NBPF9: variants seen among roughly 807,000 people sequenced by gnomAD.
NBPF9 encodes the protein NBPF family member NBPF9.
Under a neutral mutation model 97.8 loss-of-function variants are expected in NBPF9, and 91 were observed. The ratio of observed to expected loss-of-function variants is 0.93; its 90% CI spans 0.79 to 1.11. The LOEUF (loss-of-function observed/expected upper bound fraction) is 1.11, where lower values mean the gene tolerates loss of function less well. Among genes scored for constraint, NBPF9 ranks in the 50% least tolerant of loss-of-function variants. The probability of loss-of-function intolerance (pLI) is 0.00; values close to 1 mark genes in which losing one functional copy is unlikely to be tolerated. For missense variants in NBPF9, 992 were observed against 939.5 expected, an observed-to-expected ratio of 1.06 and a Z score of -0.73; for synonymous variants, 334 against 359.5, an observed-to-expected ratio of 0.93 and a Z score of 0.80.
chr1:149,065,179 GGC>G (rs2078954721), intron 18 of NBPF9: 1 of 616,980 alleles, frequency 1.6e-6, no homozygotes, highest in African/African-American at 1.8e-5. Context: ...TTTTGTAGCT[GGC>G]AAGAGACATT....
chr1:149,062,508 G>C (rs1329555374), intron 21 of NBPF9, among the ~76,000 whole-genome samples: 1 of 144,516 alleles, frequency 6.9e-6, no homozygotes, highest in African/African-American at 2.6e-5. Flanking sequence ...AATTGGCCGG[G>C]TGACACACTG....
intron 3 of NBPF9, among the ~76,000 whole-genome samples, chr1:149,099,769 G>C (rs587623785): frequency 6.6e-6 from 1 of 151,884 alleles, no homozygotes; most frequent in Admixed American, 6.6e-5. Flanking sequence ...AGGATCATTT[G>C]AGCCCAGGAG....
chr1:149,082,957 C>CTTTTTTTTTTCTT (rs2080629176), intron 5 of NBPF9, among the ~76,000 whole-genome samples: 1 of 66,470 alleles, frequency 1.5e-5, no homozygotes, highest in Non-Finnish European at 2.6e-5. Context: ...TTTTTCTTTT[C>CTTTTTTTTTTCTT]TTTTTTTTTT....
intron 3 of NBPF9, among the ~76,000 whole-genome samples, chr1:149,099,160 G>A (rs1436276761): frequency 1.3e-5 from 2 of 152,224 alleles, no homozygotes; most frequent in African/African-American, 4.8e-5. Context: ...GATTCTTTCT[G>A]TTAGGGAATT....
chr1:149,077,762 T>A, intron 10 of NBPF9, 121 bp downstream of exon 10: 6 of 1,398,396 alleles, frequency 4.3e-6, no homozygotes, highest in Non-Finnish European at 5.1e-6. Flanking sequence ...GGGTTCAATT[T>A]CACATACTGT....
In NBPF9 at chr1:149,099,525, A is replaced by G. The variant is rs2082006775; in HGVS notation, c.-605-819T>C. ...AGGCAAGGTCAAGTACTGAGAATAC[A>G]ATGGTGAATAAGAGACAAAATCTCA... On this transcript the variant is annotated intron_variant, in intron 3 of 29. Transcript: ENST00000584027. Among the ~76,000 whole-genome samples, 7 of 152,340 alleles carry G rather than the reference A, an allele frequency of 4.6e-5. No homozygotes were observed. In the South Asian group the frequency reaches 1.5e-3, roughly 32 times the overall value.
chr1:149,074,692 C>T (rs1172283745), intron 12 of NBPF9, among the ~76,000 whole-genome samples: 1 of 151,430 alleles, frequency 6.6e-6, no homozygotes, highest in Non-Finnish European at 1.5e-5. Flanking sequence ...GCTATCTCCA[C>T]ACATTCTCGG....
chr1:149,063,718 A>C (rs2078803420), exon 20 of NBPF9: 1 of 603,376 alleles, frequency 1.7e-6, no homozygotes, highest in South Asian at 2.0e-5. Flanking sequence ...CAGTCAGTTC[A>C]AGACAACCTG....
rs1553648713 is a variant in NBPF9 at position 149,055,852 on chromosome 1, T to C, written c.3140A>G (p.Asp1047Gly). ...AGTAGAATAACATCCATCCAGTGAG[T>C]CCTGCAAGACTTCAGGCTCTTCCAC... The change falls in exon 30 of 30, where the codon GAC (aspartate) becomes GGC (glycine). Residue 1047 changes from aspartate (D) to glycine (G), a missense_variant. Coordinates refer to ENST00000584027, the Ensembl canonical transcript of NBPF9. 1.9e-6 allele frequency: 3 copies of C among 1,606,500 alleles called. No homozygotes were observed. The African/African-American group carries it at 4.0e-5, about 22-fold the overall frequency.
exon 18 of NBPF9, chr1:149,065,579 C>G (rs782198524): frequency 6.2e-7 from 1 of 1,610,006 alleles, no homozygotes; most frequent in South Asian, 1.1e-5. Context: ...GTGAAATGTG[C>G]TGCTGTAAGA....
At chr1:149,052,222 C>A (rs587678472), downstream of NBPF9, among the ~76,000 whole-genome samples, 2 of 151,408 alleles carry the variant, frequency 1.3e-5, no homozygotes, top group South Asian at 2.1e-4. Context: ...TAAACACAAA[C>A]CATTAAAGAA....
At position 149,055,863 on chromosome 1, in the gene NBPF9, T is replaced by G. The variant is rs1367393551; in HGVS notation, c.3129A>C (p.Glu1043Asp). 5.0e-6 allele frequency: 8 copies of G among 1,609,274 alleles called. No homozygotes were observed. In the Admixed American group the frequency reaches 5.0e-5, roughly 10 times the overall value. Residue 1043 changes from glutamate (E) to aspartate (D), a missense_variant, in exon 30 of 30, where the codon GAA becomes GAC. By Grantham distance (45) the Glu-to-Asp change is conservative. This residue lies in a region of NBPF9 where 397 missense variants were observed against 213.6 expected (regional missense o/e 1.86). Transcript: ENST00000584027. Reference sequence around the variant, plus strand: ...ATCCATCCAGTGAGTCCTGCAAGACTTCAGGCTCTTCCACTTCCATCAGCA... The same window carrying G: ...ATCCATCCAGTGAGTCCTGCAAGACGTCAGGCTCTTCCACTTCCATCAGCA...
In NBPF9 at chr1:149,070,908, T is replaced by C. The variant is rs373495913; in HGVS notation, c.1585+26A>G. The C allele has an allele frequency of 3.1e-6, 5 of 1,610,884 alleles. No individual in the cohort carries two copies. The South Asian group carries it at 5.5e-5, about 18-fold the overall frequency. Reference sequence around the variant, plus strand: ...ATCTTCCTCAGCCTAGAGAGAGGTATGAGACACAAGGAAAACAGAGGCTAC... The same window carrying C: ...ATCTTCCTCAGCCTAGAGAGAGGTACGAGACACAAGGAAAACAGAGGCTAC... On this transcript the variant is annotated intron_variant, in intron 16 of 29. Transcript: ENST00000584027.
At chr1:149,095,999 T>C (rs2081739704) in intron 4 of NBPF9, among the ~76,000 whole-genome samples, 1 of 151,836 alleles carries the variant, frequency 6.6e-6, no homozygotes, top group Non-Finnish European at 1.5e-5. Context: ...AACTGTGTTG[T>C]AGCCATACAA....
chr1:149,064,844 G>A (rs1210745373), intron 18 of NBPF9: 2 of 539,748 alleles, frequency 3.7e-6, no homozygotes, highest in Non-Finnish European at 6.6e-6. Context: ...CCCAGAATTT[G>A]ATAGTTTATG....
rs587640346 is a variant in NBPF9, at chr1:149,071,522, C to A, written c.1379+82G>T. 6.6e-6 allele frequency: 7 copies of A among 1,058,154 alleles called. No homozygotes were observed. In the Admixed American group the frequency reaches 6.9e-5, roughly 10 times the overall value. The allele number at this position is 1,058,154 out of a possible 1,614,324, so 65.5% of individuals were successfully genotyped here. On this transcript the variant is annotated intron_variant, in intron 15 of 29. Coordinates refer to ENST00000584027, the Ensembl canonical transcript of NBPF9. ...AAGCGAATGCGGGTTTTTGGCCCAT[C>A]ATAGATGCCAGAGAGGGTGTGCCTC...
At chr1:149,059,874 G>C in intron 24 of NBPF9, 66 bp from the exon 25 acceptor site, 2 of 505,972 alleles carry the variant, frequency 4.0e-6, no homozygotes, top group South Asian at 4.2e-5. Flanking sequence ...ACAATCCACT[G>C]TCTAATCCTC....
chr1:149,081,508 G>T (rs2080439814), intron 7 of NBPF9, among the ~76,000 whole-genome samples: 1 of 151,498 alleles, frequency 6.6e-6, no homozygotes, highest in African/African-American at 2.4e-5. Flanking sequence ...GCAGGTACTG[G>T]CTACTATCAC....
At chr1:149,097,116 G>C (rs1365502108) in intron 4 of NBPF9, among the ~76,000 whole-genome samples, 1 of 150,804 alleles carries the variant, frequency 6.6e-6, no homozygotes, top group Non-Finnish European at 1.5e-5. Flanking sequence ...GAGGGTGGAA[G>C]GGAAGGAGGG....
Sources: gnomAD v4.1 joint callset for allele counts (sites outside exome capture counted in the v4.1 genomes callset) on GRCh38, gnomAD v4.1.1 for gene constraint, gnomAD v4.1.1 regional missense constraint, MANE v1.5 for transcripts, NCBI Gene and HGNC (gene_info 2026-07-23, HGNC 2026-07-21) for gene names.